Variants in FBXO36 observed in about 807,000 individuals in gnomAD.
FBXO36 encodes the protein F-box protein 36.
Under a neutral mutation model 17.0 loss-of-function variants are expected in FBXO36, and 18 were observed. The observed-to-expected ratio is 1.06, with a 90% CI of 0.73 to 1.57. The LOEUF is 1.57. Ranked by LOEUF, FBXO36 falls within the 40% of genes most tolerant of loss-of-function variation. FBXO36 has a pLI of 0.00. For missense variants in FBXO36, 229 were observed against 221.9 expected, an observed-to-expected ratio of 1.03 and a Z score of -0.20; for synonymous variants, 83 against 85.3, an observed-to-expected ratio of 0.97 and a Z score of 0.15.
intron 1 of FBXO36, chr2:229,939,127 C>CA: frequency 2.1e-6 from 1 of 470,034 alleles, no homozygotes; most frequent in South Asian, 9.2e-5. Context: ...CATCTTGGCT[C>CA]ACCGCAACCT....
intron 1 of FBXO36, among the ~76,000 whole-genome samples, chr2:229,939,500 A>C (rs1577330142): frequency 1.3e-5 from 2 of 151,878 alleles, no homozygotes; most frequent in South Asian, 4.2e-4. Context: ...AATCCCAGCT[A>C]TTCGGGAGGC....
chr2:229,978,822 ATAATC>A (rs974991816), intron 2 of FBXO36, among the ~76,000 whole-genome samples: 2 of 152,124 alleles, frequency 1.3e-5, no homozygotes, highest in African/African-American at 4.8e-5. Context: ...ATCAAGCACG[ATAATC>A]TCATTTAGAA....
chr2:229,995,481 CAA>C (rs34270292), intron 2 of FBXO36, among the ~76,000 whole-genome samples: 3 of 151,576 alleles, frequency 2.0e-5, no homozygotes, highest in Non-Finnish European at 4.4e-5. Flanking sequence ...CCTGTCTCTA[CAA>C]AAAAAAATCA....
intron 3 of FBXO36, among the ~76,000 whole-genome samples, chr2:230,001,153 C>A (rs1283736268): frequency 1.3e-5 from 2 of 152,122 alleles, no homozygotes; most frequent in African/African-American, 4.8e-5. Flanking sequence ...GCCACTGCAC[C>A]CAGCCAACCA....
intron 1 of FBXO36, among the ~76,000 whole-genome samples, chr2:229,952,571 C>G (rs1377889045): frequency 1.3e-5 from 2 of 152,160 alleles, no homozygotes; most frequent in African/African-American, 4.8e-5. Context: ...TCCGCCCCGA[C>G]CTTTCTCACA....
chr2:229,956,137 T>C (rs1460772062), intron 1 of FBXO36, among the ~76,000 whole-genome samples: 2 of 152,224 alleles, frequency 1.3e-5, no homozygotes, highest in Non-Finnish European at 2.9e-5. Context: ...TTTCTCAGGC[T>C]GCCATAACAA....
chr2:229,999,213 G>A (rs1025969619), intron 3 of FBXO36, among the ~76,000 whole-genome samples: 14 of 143,522 alleles, frequency 9.8e-5, no homozygotes, highest in Non-Finnish European at 1.5e-4. Context: ...TGCAACCTCC[G>A]CCTATTGGGT....
intron 1 of FBXO36, among the ~76,000 whole-genome samples, chr2:229,946,010 G>A (rs987968573): frequency 2.0e-5 from 3 of 149,256 alleles, no homozygotes; most frequent in African/African-American, 7.4e-5. Flanking sequence ...TAACGAGAGC[G>A]AAACTCCATC....
intron 1 of FBXO36, among the ~76,000 whole-genome samples, chr2:229,946,785 A>G (rs2077029336): frequency 6.6e-6 from 1 of 152,244 alleles, no homozygotes; most frequent in Non-Finnish European, 1.5e-5. Flanking sequence ...TCATGAATCC[A>G]GCTTTTAGTA....
intron 2 of FBXO36, among the ~76,000 whole-genome samples, chr2:229,979,879 GA>G (rs199911090): frequency 1.2e-4 from 17 of 146,004 alleles, no homozygotes; most frequent in East Asian, 7.9e-4. Flanking sequence ...GAGATTAGAA[GA>G]AAAAAAAAAG....
At chr2:229,991,920 A>G (rs1030060073) in intron 2 of FBXO36, among the ~76,000 whole-genome samples, 3 of 152,074 alleles carry the variant, frequency 2.0e-5, no homozygotes, top group Non-Finnish European at 2.9e-5. Context: ...CCATTGTCCT[A>G]GATTTGATCT....
chr2:229,993,144 A>G (rs2077306326), intron 2 of FBXO36, among the ~76,000 whole-genome samples: 1 of 152,112 alleles, frequency 6.6e-6, no homozygotes, highest in Admixed American at 6.6e-5. Context: ...TTACCCCAAA[A>G]CATGTTGATT....
Position 230,011,621 on chromosome 2 carries a change from T to G in FBXO36, c.*737T>G, listed in dbSNP as rs1391459877. 6.7e-6 allele frequency: 1 copy of G among 149,564 alleles called. No homozygotes were observed. Among genetic ancestry groups the G allele is most frequent in the East Asian group, 1.9e-4 (1 of 5,154 alleles). 9.3% of individuals were successfully genotyped at this position (149,564 alleles called of 1,614,324 possible). A position where few individuals can be genotyped will look rare whatever the true frequency, so the allele number is the denominator to read the frequency against. On this transcript the variant is annotated 3_prime_UTR_variant, in exon 4 of 4. Coordinates refer to ENST00000283946, the MANE Select transcript of FBXO36 (RefSeq NM_174899.5). Reference sequence around the variant, plus strand: ...TTCTTTTTTTTTTTTTTTTTGTATTTTCTTTTTAGTAGAGGTGGAGTTTCG... The same window carrying G: ...TTCTTTTTTTTTTTTTTTTTGTATTGTCTTTTTAGTAGAGGTGGAGTTTCG...
intron 1 of FBXO36, among the ~76,000 whole-genome samples, chr2:229,950,760 T>C (rs2106171925): frequency 6.8e-6 from 1 of 148,026 alleles, no homozygotes; most frequent in Admixed American, 6.7e-5. Context: ...TACTTTTTTT[T>C]TTTTTTTTTT....
At chr2:229,967,315 G>A (rs866776873) in intron 1 of FBXO36, among the ~76,000 whole-genome samples, 25 of 152,178 alleles carry the variant, frequency 1.6e-4, no homozygotes, top group East Asian at 1.5e-3. Context: ...CAATCATGTC[G>A]TCTGCAAACA....
At chr2:229,987,161 A>G (rs2077272543) in intron 2 of FBXO36, among the ~76,000 whole-genome samples, 1 of 151,398 alleles carries the variant, frequency 6.6e-6, no homozygotes, top group Non-Finnish European at 1.5e-5. Flanking sequence ...CAGTGAGTCA[A>G]GATTGTGGCC....
intron 2 of FBXO36, among the ~76,000 whole-genome samples, chr2:229,993,745 C>T (rs2106208083): frequency 6.6e-6 from 1 of 152,108 alleles, no homozygotes; most frequent in Admixed American, 6.6e-5. Context: ...TGTACATGTC[C>T]TAAAACTTTT....
intron 2 of FBXO36, among the ~76,000 whole-genome samples, chr2:229,989,187 T>G (rs1048661175): frequency 6.6e-6 from 1 of 152,234 alleles, no homozygotes; most frequent in Non-Finnish European, 1.5e-5. Context: ...CGTCAACTTT[T>G]GTATGTTGAC....
chr2:230,009,633 T>A (rs2077404489), intron 3 of FBXO36, among the ~76,000 whole-genome samples: 1 of 152,096 alleles, frequency 6.6e-6, no homozygotes, highest in Non-Finnish European at 1.5e-5. Flanking sequence ...GGGGTGATGG[T>A]AGAGGGAGAA....
Sources: allele counts gnomAD v4.1 joint callset (sites outside exome capture counted in the v4.1 genomes callset), GRCh38; gene constraint gnomAD v4.1.1; transcripts MANE v1.5; gene names NCBI Gene and HGNC (gene_info 2026-07-23, HGNC 2026-07-21).